TMC2: variants seen among roughly 807,000 people sequenced by gnomAD.
TMC2 encodes transmembrane channel-like protein 2.
Under a neutral mutation model 105.9 loss-of-function variants are expected in TMC2, and 102 were observed. The observed-to-expected ratio is 0.96, with a 90% CI of 0.82 to 1.14. The LOEUF is 1.14. TMC2 is among the 50% of genes most tolerant of loss of function. The pLI, the probability that TMC2 is intolerant of heterozygous loss-of-function variation, is 0.00. For missense variants in TMC2, 1,093 were observed against 1,134.3 expected (o/e 0.96, Z 0.52); for synonymous variants, 402 against 422.8 (o/e 0.95, Z 0.60).
chr20:2,625,843 T>C (rs1431206318), intron 17 of TMC2, among the ~76,000 whole-genome samples: 1 of 152,258 alleles, frequency 6.6e-6, no homozygotes, highest in African/African-American at 2.4e-5. Context: ...TGTATTCCCT[T>C]TGGACTGTTA....
chr20:2,626,999 C>G (rs1405900540), intron 17 of TMC2, among the ~76,000 whole-genome samples: 2 of 152,170 alleles, frequency 1.3e-5, no homozygotes, highest in African/African-American at 4.8e-5. Flanking sequence ...GATTGGTCAG[C>G]TGTTTGATTG....
At chr20:2,589,324 G>GTGTGTGTGTGTGTGTGTGTGTGTGTGTGT (rs71193978) in intron 7 of TMC2, among the ~76,000 whole-genome samples, 10 of 148,952 alleles carry the variant, frequency 6.7e-5, no homozygotes, top group Admixed American at 1.3e-4. Context: ...GTGTGTGTGT[G>GTGTGTGTGTGTGTGTGTGTGTGTGTGTGT]GAGATGGGGT....
At position 2,558,501 on chromosome 20, in the gene TMC2, C is replaced by T. The variant is rs1352680324; in HGVS notation, c.128C>T (p.Ala43Val). The T allele has an allele frequency of 3.8e-6, 6 of 1,558,724 alleles. No homozygotes were observed. The highest frequency in any genetic ancestry group is 2.6e-6 in the Non-Finnish European group (3 of 1,151,364). Residue 43 changes from alanine (A) to valine (V), a missense_variant, in exon 3 of 20, where the codon GCC becomes GTC. By Grantham distance (64) the Ala-to-Val change is moderately conservative. Transcript: ENST00000358864. This position sits in a 1 kb window ranked among gnomAD's most constrained non-coding sequence, Gnocchi z 4.6. ...RRSSSKRALK[A>V]EGTPGRRGAQ... ...TCCTCAAGCAAGCGGGCTCTCAAAGCCGAGGGGACCCCAGGCAGGCGCGGA... is the reference window on the plus strand; with the variant it reads ...TCCTCAAGCAAGCGGGCTCTCAAAGTCGAGGGGACCCCAGGCAGGCGCGGA...
chr20:2,537,200 G>A, intron 1 of TMC2, 69 bp from the exon 2 acceptor site: 1 of 1,430,424 alleles, frequency 7.0e-7, no homozygotes, highest in Non-Finnish European at 9.7e-7. Context: ...GTCCCACAGT[G>A]ACCGGGGGTC....
At chr20:2,610,680 A>C in intron 12 of TMC2, 82 bp downstream of exon 12, 1 of 755,554 alleles carries the variant, frequency 1.3e-6, no homozygotes, top group Non-Finnish European at 1.8e-6. Flanking sequence ...ATTTCATTAT[A>C]TATAATTCAT....
At chr20:2,602,011 C>A in intron 10 of TMC2, 102 bp from the exon 11 acceptor site, 1 of 751,228 alleles carries the variant, frequency 1.3e-6, no homozygotes, top group South Asian at 2.0e-5. Context: ...TGTATTATTT[C>A]ATTTCTGGAA....
chr20:2,542,016 T>C (rs533297795), intron 2 of TMC2, among the ~76,000 whole-genome samples: 3 of 145,090 alleles, frequency 2.1e-5, no homozygotes, highest in African/African-American at 5.0e-5. Flanking sequence ...GTCTCATGTT[T>C]GATTAAAAAA....
chr20:2,582,518 T>C (rs2086200723), intron 7 of TMC2, among the ~76,000 whole-genome samples: 1 of 152,192 alleles, frequency 6.6e-6, no homozygotes, highest in Non-Finnish European at 1.5e-5. Context: ...TTCTATCTCC[T>C]GGGTTGGAGT....
intron 5 of TMC2, among the ~76,000 whole-genome samples, chr20:2,573,581 G>C: frequency 9.7e-6 from 1 of 102,872 alleles, no homozygotes; most frequent in East Asian, 2.9e-4. Flanking sequence ...TTTTTTTTGA[G>C]ACGGAGTCTC....
intron 4 of TMC2, among the ~76,000 whole-genome samples, chr20:2,566,501 A>C (rs2086065444): frequency 6.6e-6 from 1 of 152,186 alleles, no homozygotes; most frequent in African/African-American, 2.4e-5. Context: ...TAATCATAGA[A>C]TTAATCAGGT....
chr20:2,639,146 CGGCCTCCCAA>C (rs1325565288), intron 19 of TMC2, among the ~76,000 whole-genome samples: 1 of 152,220 alleles, frequency 6.6e-6, no homozygotes, highest in Non-Finnish European at 1.5e-5. Context: ...CCGCCCGCCT[CGGCCTCCCAA>C]AGTGCTGGGA....
intron 3 of TMC2, among the ~76,000 whole-genome samples, chr20:2,560,693 C>T (rs1028936536): frequency 6.6e-6 from 1 of 152,082 alleles, no homozygotes; most frequent in Admixed American, 6.6e-5. Flanking sequence ...AAAAATTAGC[C>T]AGGCGTGGTG....
In TMC2 at chr20:2,602,134, G is replaced by C; in HGVS notation, c.1246G>C (p.Glu416Gln). ...TAAGGAATCAATAGTGGATGAACAA[G>C]AGAGTAACAAAGAAGAAAATATCCA... is the stretch of plus-strand genomic sequence containing the variant. ...SFKESIVDEQESNKEENIHLT... is the reference protein window; with the variant it reads ...SFKESIVDEQQSNKEENIHLT... The change falls in exon 11 of 20, where the codon GAG becomes CAG. Residue 416 changes from glutamate (E) to glutamine (Q), a missense_variant. Glu to Gln is a conservative substitution (Grantham distance 29). Coordinates refer to ENST00000358864, the MANE Select transcript of TMC2 (RefSeq NM_080751.3). 1 of 1,611,728 alleles carries C rather than the reference G, an allele frequency of 6.2e-7. No homozygotes were observed. Among genetic ancestry groups the C allele is most frequent in the African/African-American group, 1.3e-5 (1 of 74,934 alleles).
chr20:2,540,009 G>C (rs1201426590), intron 2 of TMC2, among the ~76,000 whole-genome samples: 8 of 28,926 alleles, frequency 2.8e-4, no homozygotes, highest in Non-Finnish European at 6.2e-4. Flanking sequence ...TTTTTTTTTT[G>C]AGATGGAGTC....
At chr20:2,584,650 T>C (rs1338362796) in intron 7 of TMC2, among the ~76,000 whole-genome samples, 1 of 152,166 alleles carries the variant, frequency 6.6e-6, no homozygotes, top group Non-Finnish European at 1.5e-5. Context: ...TCTTATTTTC[T>C]AAAATCACAG....
intron 14 of TMC2, among the ~76,000 whole-genome samples, chr20:2,615,167 C>T (rs1292308249): frequency 2.0e-5 from 3 of 152,050 alleles, no homozygotes; most frequent in African/African-American, 7.2e-5. Flanking sequence ...ACTAAAAATA[C>T]AAGAATTAGC....
intron 16 of TMC2, among the ~76,000 whole-genome samples, chr20:2,619,540 C>T (rs1028441): frequency 0.78 from 118,605 of 152,058 alleles, 46,353 homozygotes; most frequent in East Asian, 0.87. Context: ...AATGCTGATC[C>T]GGTCTTTCTC....
In TMC2 at chr20:2,605,438, T is replaced by C. The variant is rs7272115; in HGVS notation, c.1413+3137T>C. Reference sequence around the variant, plus strand: ...CTTGCAGGTGTCTGTCTTCTCCCTGTGTCCTTCTGTGACCTTTCTTCTGTG... The same window carrying C: ...CTTGCAGGTGTCTGTCTTCTCCCTGCGTCCTTCTGTGACCTTTCTTCTGTG... On this transcript the variant is annotated intron_variant, in intron 11 of 19. Transcript: ENST00000358864. 2.9e-3 allele frequency among the ~76,000 whole-genome samples: 447 copies of C among 152,336 alleles called. 3 individuals carry two copies. The highest frequency in any genetic ancestry group is 0.01 in the African/African-American group (435 of 41,582).
chr20:2,626,506 C>A (rs935657544), intron 17 of TMC2, among the ~76,000 whole-genome samples: 6 of 152,196 alleles, frequency 3.9e-5, no homozygotes, highest in African/African-American at 1.4e-4. Context: ...TCTATTGAAG[C>A]AATCACAAAG....
Sources: allele counts gnomAD v4.1 joint callset (sites outside exome capture counted in the v4.1 genomes callset), GRCh38; gene constraint gnomAD v4.1.1; non-coding constraint Gnocchi (gnomAD v3.1); transcripts MANE v1.5; gene names NCBI Gene and HGNC (gene_info 2026-07-23, HGNC 2026-07-21).